The following CPNE4 variants were observed in gnomAD, a reference collection of about 807,000 sequenced individuals.
CPNE4 encodes the protein copine 4, also known as copine-4.
Under a neutral mutation model 67.9 loss-of-function variants are expected in CPNE4, and 25 were observed. The ratio of observed to expected loss-of-function variants is 0.37; its 90% CI spans 0.27 to 0.51. The LOEUF (loss-of-function observed/expected upper bound fraction) is 0.51. Among genes scored for constraint, CPNE4 ranks in the 20% least tolerant of loss-of-function variants. CPNE4 has a pLI of 0.93. For synonymous variants in CPNE4, 242 were observed against 244.9 expected, an observed-to-expected ratio of 0.99 and a Z score of 0.11; for missense variants, 464 against 690.8, an observed-to-expected ratio of 0.67 and a Z score of 3.68.
At chr3:131,650,773 A>T (rs2079797253) in intron 7 of CPNE4, among the ~76,000 whole-genome samples, 1 of 137,100 alleles carries the variant, frequency 7.3e-6, no homozygotes, top group Non-Finnish European at 1.6e-5. Context: ...AAAAAAAAAA[A>T]TTCTATTATT....
chr3:131,787,497 G>A lies in CPNE4; in HGVS notation c.181-63872C>T, dbSNP rs576645518. Among the ~76,000 whole-genome samples the A allele has an allele frequency of 5.3e-5, 8 of 152,226 alleles. No individual in the cohort carries two copies. The East Asian group carries it at 7.7e-4, about 15-fold the overall frequency. ...CACTAATTTACTGACTGGATGCCCC[G>A]CAAAGGGCAGAGCTTGTGTGAGGTG... On this transcript the variant is annotated intron_variant, in intron 2 of 15. Coordinates refer to ENST00000429747, the MANE Select transcript of CPNE4 (RefSeq NM_130808.3).
chr3:131,569,325 TG>T (rs1277010218), intron 10 of CPNE4, among the ~76,000 whole-genome samples: 1 of 151,426 alleles, frequency 6.6e-6, no homozygotes, highest in East Asian at 1.9e-4. Context: ...ATGCCCTAAA[TG>T]TTTTAGGGTT....
chr3:131,649,805 T>A (rs755501974), intron 7 of CPNE4, among the ~76,000 whole-genome samples: 4 of 152,236 alleles, frequency 2.6e-5, no homozygotes, highest in Non-Finnish European at 5.9e-5. Flanking sequence ...TGCTGTGTAA[T>A]AATTTACCAC....
At chr3:131,670,169 T>C (rs1054261176) in intron 6 of CPNE4, among the ~76,000 whole-genome samples, 8 of 152,170 alleles carry the variant, frequency 5.3e-5, no homozygotes, top group Non-Finnish European at 4.4e-5. Flanking sequence ...AGGTAAAGAC[T>C]CTTAGTAGGG....
rs915604394 is a variant in CPNE4 at position 131,992,342 on chromosome 3, G to C, written c.-2+42225C>G. Among the ~76,000 whole-genome samples, 3 of 137,006 alleles carry C rather than the reference G, an allele frequency of 2.2e-5. 1 individual carries two copies. The highest frequency in any genetic ancestry group is 5.0e-5 in the Non-Finnish European group (3 of 60,224). The allele number at this position is 137,006 out of a possible 152,430, so 89.9% of individuals were successfully genotyped here. ...TTCCATTAGTATGACCTGGGTGTGA[G>C]ACATGGGGTCAAAGGGGATCATTTC... On this transcript the variant is annotated intron_variant, in intron 1 of 15. Transcript: ENST00000429747.
At chr3:131,854,213 T>TA (rs1450157896) in intron 2 of CPNE4, among the ~76,000 whole-genome samples, 1 of 151,878 alleles carries the variant, frequency 6.6e-6, no homozygotes, top group Admixed American at 6.6e-5. Context: ...ACACTATGGA[T>TA]ATTTAAAACA....
intron 11 of CPNE4, among the ~76,000 whole-genome samples, chr3:131,562,700 T>C (rs528939131): frequency 5.3e-5 from 8 of 152,072 alleles, no homozygotes; most frequent in Non-Finnish European, 8.8e-5. Context: ...GTGGATGCAA[T>C]TGGCCAGTCT....
chr3:131,749,050 TTCC>T (rs1452889548), intron 2 of CPNE4, among the ~76,000 whole-genome samples: 1 of 152,128 alleles, frequency 6.6e-6, no homozygotes, highest in Non-Finnish European at 1.5e-5. Context: ...TTTGAGGTTT[TTCC>T]TCTTTTCTAA....
At chr3:131,641,744 A>C (rs1340693626) in intron 7 of CPNE4, among the ~76,000 whole-genome samples, 2 of 152,218 alleles carry the variant, frequency 1.3e-5, no homozygotes, top group African/African-American at 2.4e-5. Flanking sequence ...AATTGCAAAA[A>C]TATGGAACCA....
intron 1 of CPNE4, among the ~76,000 whole-genome samples, chr3:132,012,170 TTCG>T (rs1222775059): frequency 9.3e-6 from 1 of 107,916 alleles, no homozygotes; most frequent in Non-Finnish European, 1.9e-5. Context: ...CTTTTGCTTT[TTCG>T]TTTTTTTTTT....
At chr3:131,708,576 G>A (rs2081471495) in intron 3 of CPNE4, among the ~76,000 whole-genome samples, 2 of 152,072 alleles carry the variant, frequency 1.3e-5, no homozygotes, top group South Asian at 4.1e-4. Flanking sequence ...TGTCTTCACT[G>A]TACCCTCAGC....
chr3:131,762,398 G>T (rs1560261024), intron 2 of CPNE4, among the ~76,000 whole-genome samples: 1 of 152,080 alleles, frequency 6.6e-6, no homozygotes, highest in African/African-American at 2.4e-5. Flanking sequence ...GCCCTAGAAT[G>T]CAGGTAGTTT....
chr3:131,542,764 A>G lies in CPNE4; in HGVS notation c.1332T>C (p.Asp444=), dbSNP rs143585565. The G allele has an allele frequency of 8.1e-6, 13 of 1,613,574 alleles. No individual in the cohort carries two copies. The highest frequency in any genetic ancestry group is 1.1e-5 in the Non-Finnish European group (13 of 1,179,688). Reference sequence around the variant, plus strand: ...TGTCGGCCATGTCTGTGATAACACCATCTGTCAGGATCAGCAGGATGAAGT... The same window carrying G: ...TGTCGGCCATGTCTGTGATAACACCGTCTGTCAGGATCAGCAGGATGAAGT... ...SQYFILLILT[D]GVITDMADTR... Residue 444 remains aspartate (D), a synonymous_variant, in exon 15 of 16, where the codon GAT becomes GAC. Coordinates refer to ENST00000429747, the MANE Select transcript of CPNE4 (RefSeq NM_130808.3).
At chr3:131,782,283 C>T (rs2083448068) in intron 2 of CPNE4, among the ~76,000 whole-genome samples, 5 of 151,984 alleles carry the variant, frequency 3.3e-5, no homozygotes. Context: ...ACAGCCAATG[C>T]AAAAGATTTT....
intron 7 of CPNE4, among the ~76,000 whole-genome samples, chr3:131,662,686 T>C (rs1246867559): frequency 6.6e-6 from 1 of 152,204 alleles, no homozygotes; most frequent in African/African-American, 2.4e-5. Flanking sequence ...AGAAGACATT[T>C]ATGCAGCCAA....
intron 2 of CPNE4, among the ~76,000 whole-genome samples, chr3:131,900,255 T>TG (rs5852662): frequency 0.35 from 53,583 of 151,870 alleles, 9,657 homozygotes; most frequent in Admixed American, 0.44. Context: ...TCAACATCAC[T>TG]GATCATCAGA....
intron 2 of CPNE4, among the ~76,000 whole-genome samples, chr3:131,859,976 A>G (rs2086606577): frequency 6.6e-6 from 1 of 152,206 alleles, no homozygotes. Context: ...CCATCATTCC[A>G]CACTATTTAA....
chr3:131,805,154 C>G (rs1263233283), intron 2 of CPNE4, among the ~76,000 whole-genome samples: 1 of 152,198 alleles, frequency 6.6e-6, no homozygotes, highest in East Asian at 1.9e-4. Context: ...ATGTATGAAT[C>G]ATACACTACC....
At chr3:131,758,300 G>C (rs2082803604) in intron 2 of CPNE4, among the ~76,000 whole-genome samples, 1 of 152,190 alleles carries the variant, frequency 6.6e-6, no homozygotes, top group African/African-American at 2.4e-5. Flanking sequence ...CCCACCTCTT[G>C]CATCAACATG....
Sources: gnomAD v4.1 joint callset for allele counts (sites outside exome capture counted in the v4.1 genomes callset) on GRCh38, gnomAD v4.1.1 for gene constraint, MANE v1.5 for transcripts, NCBI Gene and HGNC (gene_info 2026-07-23, HGNC 2026-07-21) for gene names.